Variants in FAM120B observed in about 807,000 individuals in gnomAD.
FAM120B encodes the protein constitutive coactivator of peroxisome proliferator-activated receptor gamma.
A neutral mutation model predicts 96.3 loss-of-function variants in FAM120B; 83 were observed. That is an observed-to-expected ratio of 0.86 (90% CI 0.72 to 1.03). The LOEUF (loss-of-function observed/expected upper bound fraction) is 1.03. Among genes scored for constraint, FAM120B ranks in the 50% least tolerant of loss-of-function variants. The pLI, the probability that FAM120B is intolerant of heterozygous loss-of-function variation, is 0.00. For synonymous variants in FAM120B, 407 were observed against 402.7 expected (o/e 1.01, Z -0.13); for missense variants, 1,027 against 1,121.2 (o/e 0.92, Z 1.20).
chr6:170,308,151 G>A (rs1017709983), intron 1 of FAM120B, among the ~76,000 whole-genome samples: 1 of 152,112 alleles, frequency 6.6e-6, no homozygotes, highest in East Asian at 1.9e-4. Context: ...TCTGTGTTCT[G>A]ATACCTTCTT....
intron 1 of FAM120B, among the ~76,000 whole-genome samples, chr6:170,309,218 G>A (rs1784457541): frequency 6.6e-6 from 1 of 152,126 alleles, no homozygotes; most frequent in Non-Finnish European, 1.5e-5. Context: ...TGTAATTTGT[G>A]TTCTGTTGGA....
intron 1 of FAM120B, among the ~76,000 whole-genome samples, chr6:170,308,796 C>A (rs1784433299): frequency 6.6e-6 from 1 of 152,226 alleles, no homozygotes; most frequent in East Asian, 1.9e-4. Context: ...CCTACTTCTT[C>A]CTCTTCTGGT....
rs3734768 is a variant in FAM120B, at chr6:170,366,354, C to T, written c.2283+8036C>T. 0.01 allele frequency among the ~76,000 whole-genome samples: 1,542 copies of T among 152,220 alleles called. 64 individuals are homozygous for T. In the East Asian group the frequency reaches 0.1, roughly 10 times the overall value. On this transcript the variant is annotated intron_variant, in intron 6 of 10. Coordinates refer to ENST00000476287, the MANE Select transcript of FAM120B (RefSeq NM_032448.3). ...TTGCCTTGGCAGAGCCTTGCTGGCT[C>T]CTAGGAAAGAGTAGGAGTCTCTCCA...
upstream of FAM120B, among the ~76,000 whole-genome samples, chr6:170,292,132 G>C (rs777259333): frequency 6.6e-6 from 1 of 152,196 alleles, no homozygotes; most frequent in African/African-American, 2.4e-5. The surrounding 1 kb of genome is among the most constrained non-coding windows in gnomAD (Gnocchi z 6.6). Context: ...ACAATGTCCG[G>C]CGCATGTTCT....
Position 170,316,485 on chromosome 6 carries a change from A to G in FAM120B, c.-21-885A>G, listed in dbSNP as rs1784909489. Among the ~76,000 whole-genome samples the G allele has an allele frequency of 2.0e-5, 3 of 152,230 alleles. No homozygotes were observed. The South Asian group carries it at 6.2e-4, about 32-fold the overall frequency. The stretch of plus-strand genomic sequence containing the variant: ...TGACCATTCACGCACATCATTGCCT[A>G]CTTGAAGAACGCCTTTTATAATGTC... On this transcript the variant is annotated intron_variant, in intron 1 of 10. Coordinates refer to ENST00000476287, the MANE Select transcript of FAM120B (RefSeq NM_032448.3).
upstream of FAM120B, chr6:170,290,824 G>A (rs1583158907): frequency 8.1e-6 from 5 of 617,208 alleles, no homozygotes; most frequent in South Asian, 5.6e-5. This position sits in a 1 kb window ranked among gnomAD's most constrained non-coding sequence, Gnocchi z 4.7. Flanking sequence ...GCGCAGGACC[G>A]GAGGGGCCGG....
chr6:170,312,770 G>T (rs978332187), intron 1 of FAM120B, among the ~76,000 whole-genome samples: 1 of 152,222 alleles, frequency 6.6e-6, no homozygotes, highest in Non-Finnish European at 1.5e-5. Context: ...GACTATTGCA[G>T]TGAAGGAGAG....
In FAM120B at chr6:170,317,410, A is replaced by G. The variant is rs758461067; in HGVS notation, c.20A>G (p.Gln7Arg). ...TCAGTTATGGGTGTGAGAGGTTTGC[A>G]AGGATTTGTGGGAAGTACCTGCCCA... MGVRGL[Q>R]GFVGSTCPHI... The change falls in exon 2 of 11, where the codon CAA becomes CGA. Residue 7 changes from glutamine to arginine, a missense_variant. Gln to Arg is a conservative substitution (Grantham distance 43, BLOSUM62 1). Transcript: ENST00000476287. 6.2e-7 allele frequency: 1 copy of G among 1,610,230 alleles called. No individual in the cohort carries two copies.
chr6:170,376,930 A>G, intron 6 of FAM120B, among the ~76,000 whole-genome samples: 1 of 144,048 alleles, frequency 6.9e-6, no homozygotes, highest in South Asian at 2.3e-4. Context: ...GCGTCCCTAA[A>G]CCCAGACGCC....
intron 6 of FAM120B, among the ~76,000 whole-genome samples, chr6:170,375,522 A>G (rs1453212722): frequency 2.0e-5 from 3 of 152,222 alleles, no homozygotes; most frequent in Admixed American, 6.5e-5. Flanking sequence ...TGGAATCAGC[A>G]TATTTCCCTA....
intron 6 of FAM120B, among the ~76,000 whole-genome samples, chr6:170,365,479 A>G (rs1168083497): frequency 6.6e-6 from 1 of 152,144 alleles, no homozygotes; most frequent in East Asian, 1.9e-4. Context: ...CCTTGTTCTC[A>G]AATAATGTCC....
chr6:170,297,234 G>A (rs562471907), intron 1 of FAM120B, among the ~76,000 whole-genome samples: 1 of 152,198 alleles, frequency 6.6e-6, no homozygotes, highest in Non-Finnish European at 1.5e-5. Flanking sequence ...GTCCCCACGG[G>A]ACCCCGCGTC....
chr6:170,404,442 C>A, intron 9 of FAM120B, 108 bp from the exon 10 acceptor site: 1 of 944,978 alleles, frequency 1.1e-6, no homozygotes, highest in Non-Finnish European at 1.6e-6. Context: ...CTGTGTCCTC[C>A]AAATACAGCT....
At chr6:170,333,936 G>A (rs897179710) in intron 4 of FAM120B, among the ~76,000 whole-genome samples, 3 of 152,182 alleles carry the variant, frequency 2.0e-5, no homozygotes, top group African/African-American at 4.8e-5. Flanking sequence ...AAAGGTCCTT[G>A]ATGTGTGCAT....
chr6:170,392,700 T>C (rs1040162322), intron 8 of FAM120B, among the ~76,000 whole-genome samples: 11 of 152,284 alleles, frequency 7.2e-5, no homozygotes, highest in African/African-American at 2.6e-4. Flanking sequence ...AACTACTTGG[T>C]GTCAGCCTTG....
At chr6:170,365,079 C>T (rs1020292847) in intron 6 of FAM120B, among the ~76,000 whole-genome samples, 2 of 152,202 alleles carry the variant, frequency 1.3e-5, no homozygotes, top group Non-Finnish European at 2.9e-5. Context: ...GCCTGGGGCA[C>T]GTACTCCTGC....
At chr6:170,302,744 AT>A (rs754886259), upstream of FAM120B, among the ~76,000 whole-genome samples, 1 of 151,930 alleles carries the variant, frequency 6.6e-6, no homozygotes, top group Non-Finnish European at 1.5e-5. Context: ...CTATTTATAG[AT>A]TTTTTCCCAC....
chr6:170,387,356 A>C (rs1455376965), intron 6 of FAM120B, among the ~76,000 whole-genome samples: 4 of 152,190 alleles, frequency 2.6e-5, no homozygotes, highest in African/African-American at 4.8e-5. Flanking sequence ...CTTTTTTCCT[A>C]ATTTATTTTA....
rs1452041725 is a variant in FAM120B, at chr6:170,370,599, A to C, written c.2283+12281A>C. 6.6e-6 allele frequency among the ~76,000 whole-genome samples: 1 copy of C among 152,120 alleles called. No homozygotes were observed. Among genetic ancestry groups the C allele is most frequent in the African/African-American group, 2.4e-5 (1 of 41,436 alleles). ...ATTACCCTCTGATCCTGTACCTGTCATTGTGGGATGTCCTAAATGACTAAA... is the reference window on the plus strand; with the variant it reads ...ATTACCCTCTGATCCTGTACCTGTCCTTGTGGGATGTCCTAAATGACTAAA... On this transcript the variant is annotated intron_variant, in intron 6 of 10. Coordinates refer to ENST00000476287, the MANE Select transcript of FAM120B (RefSeq NM_032448.3). The surrounding 1 kb of genome is among the most constrained non-coding windows in gnomAD (Gnocchi z 4.3).
Sources: gnomAD v4.1 joint callset for allele counts (sites outside exome capture counted in the v4.1 genomes callset) on GRCh38, gnomAD v4.1.1 for gene constraint, Gnocchi (gnomAD v3.1) non-coding constraint, MANE v1.5 for transcripts, NCBI Gene and HGNC (gene_info 2026-07-23, HGNC 2026-07-21) for gene names.